Variants in CDK5RAP1 observed in about 807,000 individuals in gnomAD.
CDK5RAP1 encodes mitochondrial tRNA methylthiotransferase CDK5RAP1.
A neutral mutation model predicts 64.5 loss-of-function variants in CDK5RAP1; 62 were observed. The observed-to-expected ratio is 0.96, with a 90% CI of 0.78 to 1.19. CDK5RAP1 has a LOEUF of 1.19. Among genes scored for constraint, CDK5RAP1 ranks in the 50% most tolerant of loss-of-function variants. The probability of loss-of-function intolerance (pLI) is 0.00; values close to 1 mark genes in which losing one functional copy is unlikely to be tolerated. For synonymous variants in CDK5RAP1, 250 were observed against 261.9 expected, an observed-to-expected ratio of 0.95 and a Z score of 0.44; for missense variants, 657 against 735.0, an observed-to-expected ratio of 0.89 and a Z score of 1.23.
At chr20:33,398,619 T>C (rs1372360656) in intron 1 of CDK5RAP1, among the ~76,000 whole-genome samples, 1 of 151,920 alleles carries the variant, frequency 6.6e-6, no homozygotes, top group African/African-American at 2.4e-5. Flanking sequence ...TGAAACAAGA[T>C]ACAACTGTTA....
intron 7 of CDK5RAP1, among the ~76,000 whole-genome samples, chr20:33,382,950 C>A (rs1986954028): frequency 6.7e-6 from 1 of 150,190 alleles, no homozygotes; most frequent in Non-Finnish European, 1.5e-5. Context: ...GGAGGCTGAG[C>A]CGGGTGAATC....
intron 10 of CDK5RAP1, among the ~76,000 whole-genome samples, chr20:33,371,988 G>A (rs1407761672): frequency 6.6e-6 from 1 of 152,086 alleles, no homozygotes; most frequent in Non-Finnish European, 1.5e-5. Context: ...ACATTTTACT[G>A]CTGATCTGTA....
chr20:33,375,800 T>C (rs1248793566), intron 8 of CDK5RAP1, among the ~76,000 whole-genome samples: 2 of 152,202 alleles, frequency 1.3e-5, no homozygotes, highest in Non-Finnish European at 2.9e-5. Context: ...AAAAGTTATA[T>C]TTACTCTATA....
chr20:33,371,419 A>G (rs571145200), intron 10 of CDK5RAP1, among the ~76,000 whole-genome samples: 1 of 152,324 alleles, frequency 6.6e-6, no homozygotes, highest in Non-Finnish European at 1.5e-5. Flanking sequence ...GTAACAGTGG[A>G]GCTTGACCCA....
intron 7 of CDK5RAP1, 133 bp from the exon 8 acceptor site, chr20:33,379,824 C>T (rs907972961): frequency 1.5e-6 from 1 of 651,376 alleles, no homozygotes; most frequent in African/African-American, 1.8e-5. Flanking sequence ...CCAAGAGTCA[C>T]CTATAAGTGT....
Position 33,379,483 on chromosome 20 carries a change from T to G in CDK5RAP1, c.1085A>C (p.His362Pro). The part of the protein sequence containing the change: ...PEMRIRFTSP[H>P]PKDFPDEVLQ... ...CACCTCATCAGGAAAATCCTTGGGGTGGGGAGAGGTAAAACGGATCCTCAT... is the reference window on the plus strand; with the variant it reads ...CACCTCATCAGGAAAATCCTTGGGGGGGGGAGAGGTAAAACGGATCCTCAT... Residue 362 changes from histidine to proline, a missense_variant, in exon 8 of 14, where the codon CAC becomes CCC. Transcript: ENST00000346416. 29 of 1,612,880 alleles carry G rather than the reference T, an allele frequency of 1.8e-5. No homozygotes were observed. Among genetic ancestry groups the G allele is most frequent in the Non-Finnish European group, 2.4e-5 (28 of 1,179,050 alleles).
At chr20:33,394,145 T>A in intron 3 of CDK5RAP1, 79 bp from the exon 4 acceptor site, 24 of 920,390 alleles carry the variant, frequency 2.6e-5, no homozygotes, top group Non-Finnish European at 3.8e-5. Context: ...GCCCTACAGC[T>A]CTTTATTATT....
At position 33,396,007 on chromosome 20, in the gene CDK5RAP1, CA is replaced by C. The variant is rs1175587885; in HGVS notation, c.304+753del. ...CCAGCCTGGGCGACAGAGCGAGACT[CA>C]AAAAAAAACAAAAAAGAAAAGAAAA... On this transcript the variant is annotated intron_variant, in intron 2 of 13. Transcript: ENST00000346416. 4.2e-5 allele frequency among the ~76,000 whole-genome samples: 6 copies of C among 144,282 alleles called. No individual in the cohort carries two copies. The East Asian group carries it at 9.9e-4, about 24-fold the overall frequency. The allele number at this position is 144,282 out of a possible 152,430, so 94.7% of individuals were successfully genotyped here.
chr20:33,387,109 A>G (rs1987530550), intron 6 of CDK5RAP1, among the ~76,000 whole-genome samples: 1 of 151,016 alleles, frequency 6.6e-6, no homozygotes, highest in Admixed American at 6.6e-5. Context: ...GTAAAAATTC[A>G]AAAAAAAATT....
chr20:33,373,077 AGT>A (rs928489148), intron 9 of CDK5RAP1: 137 of 198,570 alleles, frequency 6.9e-4, no homozygotes, highest in South Asian at 1.7e-3. Flanking sequence ...ACACCCAGCT[AGT>A]GTGTGTGTGT....
intron 1 of CDK5RAP1, among the ~76,000 whole-genome samples, chr20:33,397,555 C>T (rs540491604): frequency 1.3e-5 from 2 of 152,308 alleles, no homozygotes; most frequent in South Asian, 2.1e-4. Flanking sequence ...ATGCAAAGCC[C>T]GTGCCACTAC....
chr20:33,385,743 C>T lies in CDK5RAP1; in HGVS notation c.783G>A (p.Met261Ile), dbSNP rs1987346611. ...FVSIMRGCDN[M>I]CSYCIVPFTR... ...TGAAAGGAACAATGCAGTAGCTACA[C>T]ATGTTGTCACAGCCTCGCATGATTG... Residue 261 changes from methionine to isoleucine, a missense_variant, in exon 7 of 14, where the codon ATG becomes ATA. Met to Ile is a conservative substitution (Grantham distance 10, BLOSUM62 1). Coordinates refer to ENST00000346416, the MANE Select transcript of CDK5RAP1 (RefSeq NM_016408.4). The T allele has an allele frequency of 1.2e-6, 2 of 1,613,512 alleles. No individual in the cohort carries two copies. Among genetic ancestry groups the T allele is most frequent in the South Asian group, 2.2e-5 (2 of 90,976 alleles).
intron 9 of CDK5RAP1, 46 bp downstream of exon 9, chr20:33,374,069 G>C: frequency 7.7e-7 from 1 of 1,303,276 alleles, no homozygotes; most frequent in African/African-American, 1.4e-5. Flanking sequence ...GGTCATTAAG[G>C]AAACATGGAA....
At chr20:33,383,976 G>A (rs2146669785) in intron 7 of CDK5RAP1, among the ~76,000 whole-genome samples, 1 of 152,260 alleles carries the variant, frequency 6.6e-6, no homozygotes, top group South Asian at 2.1e-4. Flanking sequence ...GGGCAGAGGG[G>A]TCATTATACT....
intron 3 of CDK5RAP1, 54 bp from the exon 4 acceptor site, chr20:33,394,120 C>T (rs1988636514): frequency 8.2e-7 from 1 of 1,222,922 alleles, no homozygotes; most frequent in African/African-American, 1.5e-5. Flanking sequence ...TGGATATTAG[C>T]CTTGTACAAT....
Position 33,387,334 on chromosome 20 carries a change from C to T in CDK5RAP1, c.744G>A (p.Thr248=), listed in dbSNP as rs143485633. ...AGGCAGTGACTCACACAAAGGCAGA[C>T]GTGGCACTGGCGCTTGTCTGGACTG... ...VMPVQTSASA[T]SAFVSIMRGC... The change falls in exon 6 of 14, where the codon ACG becomes ACA. Residue 248 remains threonine, a synonymous_variant. Coordinates refer to ENST00000346416, the MANE Select transcript of CDK5RAP1 (RefSeq NM_016408.4). The T allele has an allele frequency of 3.0e-5, 48 of 1,613,108 alleles. No homozygotes were observed. The African/African-American group carries it at 5.7e-4, about 19-fold the overall frequency.
chr20:33,389,353 GC>G (rs1568721868), intron 5 of CDK5RAP1, among the ~76,000 whole-genome samples: 1 of 150,092 alleles, frequency 6.7e-6, no homozygotes, highest in Non-Finnish European at 1.5e-5. Flanking sequence ...CGCGGCAGCC[GC>G]CCCGTCTGAG....
chr20:33,396,009 A>C (rs1366198194), intron 2 of CDK5RAP1, among the ~76,000 whole-genome samples: 1 of 152,118 alleles, frequency 6.6e-6, no homozygotes, highest in Non-Finnish European at 1.5e-5. Flanking sequence ...GCGAGACTCA[A>C]AAAAAAACAA....
At chr20:33,399,230 A>G (rs1989173869) in intron 1 of CDK5RAP1, among the ~76,000 whole-genome samples, 2 of 151,892 alleles carry the variant, frequency 1.3e-5, no homozygotes, top group Admixed American at 1.3e-4. Flanking sequence ...ACTGGACCCC[A>G]CATCTATGGC....
Sources: gnomAD v4.1 joint callset for allele counts (sites outside exome capture counted in the v4.1 genomes callset) on GRCh38, gnomAD v4.1.1 for gene constraint, MANE v1.5 for transcripts, NCBI Gene and HGNC (gene_info 2026-07-23, HGNC 2026-07-21) for gene names.